GRIP1: variants seen among roughly 807,000 people sequenced by gnomAD.
GRIP1 encodes the protein glutamate receptor-interacting protein 1.
A neutral mutation model predicts 129.9 loss-of-function variants in GRIP1; 45 were observed. That is an observed-to-expected ratio of 0.35 (90% CI 0.27 to 0.44). The LOEUF is 0.44. Ranked by LOEUF, GRIP1 falls within the 20% of genes least tolerant of loss-of-function variation. The pLI is 1.00. For synonymous variants in GRIP1, 530 were observed against 520.8 expected (o/e 1.02, Z -0.24); for missense variants, 1,196 against 1,396.8 (o/e 0.86, Z 2.29).
chr12:66,466,915 G>A (rs1592375409), intron 7 of GRIP1, among the ~76,000 whole-genome samples: 1 of 152,260 alleles, frequency 6.6e-6, no homozygotes, highest in South Asian at 2.1e-4. Context: ...TATTCCCATT[G>A]CTGAAGCTCA....
chr12:66,973,097 C>T (rs1041401981), intron 1 of GRIP1, among the ~76,000 whole-genome samples: 1 of 152,168 alleles, frequency 6.6e-6, no homozygotes, highest in Non-Finnish European at 1.5e-5. Context: ...TATTTTCACA[C>T]AAGAGTTGCT....
intron 1 of GRIP1, among the ~76,000 whole-genome samples, chr12:66,968,768 G>GA (rs1031240676): frequency 4.4e-5 from 6 of 135,568 alleles, no homozygotes; most frequent in African/African-American, 1.8e-4. Flanking sequence ...CAATTAATGA[G>GA]AAAAGCAAAA....
intron 23 of GRIP1, among the ~76,000 whole-genome samples, chr12:66,368,602 A>G (rs571348403): frequency 7.2e-5 from 11 of 152,294 alleles, no homozygotes; most frequent in African/African-American, 2.2e-4. Context: ...GTTATCTTCA[A>G]CTTAAGGAAG....
At chr12:66,361,851 C>T (rs923047968) in intron 23 of GRIP1, among the ~76,000 whole-genome samples, 2 of 152,172 alleles carry the variant, frequency 1.3e-5, no homozygotes, top group African/African-American at 4.8e-5. Flanking sequence ...ACCATGTGGG[C>T]CTCCTTGACT....
At chr12:66,530,959 A>C (rs2061422651) in intron 4 of GRIP1, among the ~76,000 whole-genome samples, 1 of 151,842 alleles carries the variant, frequency 6.6e-6, no homozygotes, top group African/African-American at 2.4e-5. Flanking sequence ...CAGTCAGGCC[A>C]GGCGCGGTGG....
intron 1 of GRIP1, among the ~76,000 whole-genome samples, chr12:66,639,856 GCA>G (rs1223435501): frequency 6.6e-6 from 1 of 152,168 alleles, no homozygotes; most frequent in African/African-American, 2.4e-5. Flanking sequence ...TTTAGTACAA[GCA>G]CAGTTACACT....
intron 1 of GRIP1, among the ~76,000 whole-genome samples, chr12:66,652,480 T>C (rs974113559): frequency 6.6e-6 from 1 of 152,212 alleles, no homozygotes. Context: ...TGGGTATTTC[T>C]TTATAGTAGT....
chr12:66,596,338 G>T (rs1439014254), intron 2 of GRIP1, among the ~76,000 whole-genome samples: 2 of 152,118 alleles, frequency 1.3e-5, no homozygotes, highest in African/African-American at 2.4e-5. Flanking sequence ...ATGACTCATT[G>T]TATTACAATA....
chr12:66,553,004 AAGGAC>A (rs1343112775), intron 2 of GRIP1, among the ~76,000 whole-genome samples: 2 of 152,146 alleles, frequency 1.3e-5, no homozygotes, highest in Non-Finnish European at 2.9e-5. Context: ...TGCCTATATC[AAGGAC>A]AGCTCTCACA....
chr12:66,853,338 A>T (rs1317271674), intron 1 of GRIP1, among the ~76,000 whole-genome samples: 1 of 151,898 alleles, frequency 6.6e-6, no homozygotes. Context: ...GATGCATTAG[A>T]TATACGGCTT....
intron 7 of GRIP1, among the ~76,000 whole-genome samples, chr12:66,498,022 C>T (rs56357823): frequency 0.054 from 8,206 of 152,080 alleles, 717 homozygotes; most frequent in African/African-American, 0.19. Context: ...GGGCACCTTG[C>T]GACCCCCACT....
At chr12:66,680,309 T>C (rs911000893), upstream of GRIP1, among the ~76,000 whole-genome samples, 6 of 152,226 alleles carry the variant, frequency 3.9e-5, no homozygotes, top group Admixed American at 6.5e-5. Context: ...AAATTCAATA[T>C]GAACTCAAAC....
At chr12:66,932,080 C>T (rs1013483133) in intron 1 of GRIP1, among the ~76,000 whole-genome samples, 1 of 151,934 alleles carries the variant, frequency 6.6e-6, no homozygotes, top group African/African-American at 2.4e-5. Flanking sequence ...TTTCATATCT[C>T]CATCAAAGAT....
chr12:66,704,416 T>G (rs1032116643), intron 1 of GRIP1, among the ~76,000 whole-genome samples: 2 of 151,988 alleles, frequency 1.3e-5, no homozygotes, highest in African/African-American at 2.4e-5. Context: ...AAAGAACACA[T>G]GTGGATCAGT....
chr12:67,031,605 A>T (rs1180368572), intron 1 of GRIP1, among the ~76,000 whole-genome samples: 1 of 152,136 alleles, frequency 6.6e-6, no homozygotes, highest in Non-Finnish European at 1.5e-5. Flanking sequence ...TCCACAAGGC[A>T]ATCCTGAACC....
intron 1 of GRIP1, among the ~76,000 whole-genome samples, chr12:67,062,602 G>T (rs866197660): frequency 1.2e-3 from 185 of 152,040 alleles, no homozygotes; most frequent in African/African-American, 4.3e-3. Context: ...CTGTACAAGA[G>T]TAGAGAAGCT....
At chr12:66,709,973 G>A (rs2035661390) in intron 1 of GRIP1, among the ~76,000 whole-genome samples, 1 of 151,928 alleles carries the variant, frequency 6.6e-6, no homozygotes, top group African/African-American at 2.4e-5. Flanking sequence ...ATGTTATTAG[G>A]AAGGAAACTA....
chr12:66,986,521 C>T (rs2042313411), intron 1 of GRIP1, among the ~76,000 whole-genome samples: 1 of 149,794 alleles, frequency 6.7e-6, no homozygotes, highest in South Asian at 2.1e-4. Flanking sequence ...AGTTCATGTC[C>T]TTTGTAGGGA....
At chr12:66,502,069 T>G (rs1207288387) in intron 7 of GRIP1, among the ~76,000 whole-genome samples, 1 of 152,194 alleles carries the variant, frequency 6.6e-6, no homozygotes, top group Non-Finnish European at 1.5e-5. Context: ...TTGTTTTGTA[T>G]TTATGGTTAC....
Sources: allele counts gnomAD v4.1 joint callset (sites outside exome capture counted in the v4.1 genomes callset), GRCh38; gene constraint gnomAD v4.1.1; transcripts MANE v1.5; gene names NCBI Gene and HGNC (gene_info 2026-07-23, HGNC 2026-07-21).